PTPRQ: variants seen among roughly 807,000 people sequenced by gnomAD.
PTPRQ encodes the protein phosphatidylinositol phosphatase PTPRQ.
Under a neutral mutation model 246.0 loss-of-function variants are expected in PTPRQ, and 199 were observed. That is an observed-to-expected ratio of 0.81 (90% CI 0.72 to 0.91). PTPRQ has a LOEUF of 0.91. PTPRQ is among the 40% of genes least tolerant of loss of function. The pLI, the probability that PTPRQ is intolerant of heterozygous loss-of-function variation, is 0.00. For synonymous variants in PTPRQ, 869 were observed against 853.2 expected (o/e 1.02, Z -0.32); for missense variants, 2,624 against 2,528.4 (o/e 1.04, Z -0.81).
At chr12:80,498,331 A>G (rs962326797) in intron 14 of PTPRQ, among the ~76,000 whole-genome samples, 1 of 152,114 alleles carries the variant, frequency 6.6e-6, no homozygotes, top group African/African-American at 2.4e-5. Flanking sequence ...CTAAAGCAAT[A>G]CATTATTGTT....
At chr12:80,455,898 C>T (rs555376165) in intron 3 of PTPRQ, among the ~76,000 whole-genome samples, 2 of 152,204 alleles carry the variant, frequency 1.3e-5, no homozygotes, top group East Asian at 1.9e-4. Context: ...CGCGCCCAGC[C>T]GTCCTTTACA....
At position 80,608,479 on chromosome 12, in the gene PTPRQ, G is replaced by A. The variant is rs887007641; in HGVS notation, c.4732-1960G>A. On this transcript the variant is annotated intron_variant, in intron 27 of 44. Coordinates refer to ENST00000644991, the MANE Select transcript of PTPRQ (RefSeq NM_001145026.2). Reference sequence around the variant, plus strand: ...ATACTTTTAAAGATATAATATATGCGTGCCATGTCATATTTTGCGACTTGA... The same window carrying A: ...ATACTTTTAAAGATATAATATATGCATGCCATGTCATATTTTGCGACTTGA... Among the ~76,000 whole-genome samples the A allele has an allele frequency of 6.1e-5, 9 of 148,196 alleles. No homozygotes were observed. In the South Asian group the frequency reaches 1.1e-3, roughly 18 times the overall value.
intron 39 of PTPRQ, among the ~76,000 whole-genome samples, chr12:80,663,907 C>T (rs376264373): frequency 2.6e-4 from 39 of 152,094 alleles, no homozygotes; most frequent in African/African-American, 8.4e-4. Context: ...CTCTTTGATT[C>T]TATCGAATTT....
chr12:80,609,941 G>A (rs909740065), intron 27 of PTPRQ, among the ~76,000 whole-genome samples: 3 of 150,452 alleles, frequency 2.0e-5, no homozygotes, highest in African/African-American at 7.3e-5. Flanking sequence ...AAATCTATGT[G>A]CCAACTACTT....
At chr12:80,485,879 G>A (rs770887216) in intron 9 of PTPRQ, among the ~76,000 whole-genome samples, 1 of 152,020 alleles carries the variant, frequency 6.6e-6, no homozygotes. Context: ...TTCTAGAAAG[G>A]CTTTTTTTTT....
chr12:80,506,763 C>T, intron 16 of PTPRQ, 93 bp downstream of exon 16: 1 of 1,126,532 alleles, frequency 8.9e-7, no homozygotes, highest in Non-Finnish European at 1.2e-6. Flanking sequence ...CTCCTCTAGT[C>T]ATGGGTATCA....
intron 17 of PTPRQ, among the ~76,000 whole-genome samples, chr12:80,517,800 A>G (rs1266213274): frequency 3.3e-5 from 5 of 152,148 alleles, no homozygotes; most frequent in Non-Finnish European, 5.9e-5. Context: ...CACAATGACC[A>G]TGATGGCATC....
At position 80,541,972 on chromosome 12, in the gene PTPRQ, AAC is replaced by A. The variant is rs1201310737; in HGVS notation, c.3446-113_3446-112del. The A allele has an allele frequency of 1.4e-5, 20 of 1,466,072 alleles. No individual in the cohort carries two copies. In the East Asian group the frequency reaches 2.5e-4, roughly 18 times the overall value. The allele number at this position is 1,466,072 out of a possible 1,614,324, so 90.8% of individuals were successfully genotyped here. ...ATCTCAAGTAATTAGCCTTTCAATA[AAC>A]ACAGTGTTTCTTAAAATAATCTGCT... On this transcript the variant is annotated intron_variant, in intron 21 of 44. Coordinates refer to ENST00000644991, the MANE Select transcript of PTPRQ (RefSeq NM_001145026.2).
At chr12:80,489,209 A>C (rs1021852000) in intron 9 of PTPRQ, among the ~76,000 whole-genome samples, 4 of 152,016 alleles carry the variant, frequency 2.6e-5, no homozygotes, top group African/African-American at 9.7e-5. Context: ...AATTTTCATC[A>C]GTTCGTCCTA....
intron 43 of PTPRQ, among the ~76,000 whole-genome samples, chr12:80,673,704 C>G (rs564889101): frequency 4.6e-5 from 7 of 152,200 alleles, no homozygotes; most frequent in Admixed American, 3.3e-4. Context: ...TAATAAAGTT[C>G]TATGGGTTTT....
intron 17 of PTPRQ, among the ~76,000 whole-genome samples, chr12:80,519,127 A>G (rs536807815): frequency 6.6e-6 from 1 of 152,040 alleles, no homozygotes; most frequent in Non-Finnish European, 1.5e-5. Context: ...ATAGCTTTCC[A>G]TTTTTTGGTG....
intron 17 of PTPRQ, among the ~76,000 whole-genome samples, chr12:80,523,203 G>A (rs529118847): frequency 4.0e-4 from 61 of 152,162 alleles, no homozygotes; most frequent in African/African-American, 1.4e-3. Flanking sequence ...TGGGATCGGT[G>A]GTGATATCCC....
chr12:80,459,229 G>A (rs1893071685), intron 4 of PTPRQ, 55 bp from the exon 5 acceptor site: 3 of 397,536 alleles, frequency 7.5e-6, no homozygotes, highest in Non-Finnish European at 8.9e-6. Flanking sequence ...TTATATAAAT[G>A]CAATTCTAAG....
chr12:80,659,177 C>A (rs1245554206), intron 39 of PTPRQ, among the ~76,000 whole-genome samples: 1 of 151,986 alleles, frequency 6.6e-6, no homozygotes, highest in African/African-American at 2.4e-5. Context: ...AATGCTAGAA[C>A]TTTAAATCTG....
intron 8 of PTPRQ, among the ~76,000 whole-genome samples, chr12:80,478,287 C>A (rs1444674004): frequency 6.6e-6 from 1 of 151,876 alleles, no homozygotes; most frequent in Non-Finnish European, 1.5e-5. Flanking sequence ...CCTCACATGG[C>A]CAGGTACTCC....
intron 19 of PTPRQ, among the ~76,000 whole-genome samples, chr12:80,536,110 A>C (rs939252580): frequency 2.2e-4 from 33 of 152,254 alleles, no homozygotes; most frequent in African/African-American, 7.7e-4. Flanking sequence ...CCATCTCAAA[A>C]GAAAAAGAAA....
chr12:80,667,119 T>C (rs1900811612), intron 39 of PTPRQ, among the ~76,000 whole-genome samples: 2 of 152,012 alleles, frequency 1.3e-5, no homozygotes, highest in Non-Finnish European at 2.9e-5. Flanking sequence ...TTCTAGCCAT[T>C]ATCTGTTACT....
chr12:80,527,706 A>T (rs373282319), intron 17 of PTPRQ, among the ~76,000 whole-genome samples: 1 of 152,326 alleles, frequency 6.6e-6, no homozygotes, highest in African/African-American at 2.4e-5. Flanking sequence ...ACTACAGATA[A>T]CTCAAAAATT....
At position 80,453,271 on chromosome 12, in the gene PTPRQ, A is replaced by AT. The variant is rs563457385; in HGVS notation, c.391-4297dup. Among the ~76,000 whole-genome samples, 1,022 of 151,948 alleles carry AT rather than the reference A, an allele frequency of 6.7e-3. 5 individuals are homozygous for AT. Among genetic ancestry groups the AT allele is most frequent in the Non-Finnish European group, 0.01 (680 of 67,982 alleles). On this transcript the variant is annotated intron_variant, in intron 3 of 44. Transcript: ENST00000644991. ...TTATTCTAGTTATACATTCGTCTAC[A>AT]TTTTTTTCATAGTTTTCAACTTCTT...
Sources: gnomAD v4.1 joint callset for allele counts (sites outside exome capture counted in the v4.1 genomes callset) on GRCh38, gnomAD v4.1.1 for gene constraint, MANE v1.5 for transcripts, NCBI Gene and HGNC (gene_info 2026-07-23, HGNC 2026-07-21) for gene names.